CYSTM1: variants seen among roughly 807,000 people sequenced by gnomAD.
CYSTM1 encodes the protein cysteine rich transmembrane module containing 1, also known as cysteine-rich transmembrane module-containing protein 1.
In CYSTM1, 4 loss-of-function variants were observed where a neutral mutation model predicts 13.1. The ratio of observed to expected loss-of-function variants is 0.31; its 90% CI spans 0.15 to 0.70. CYSTM1 has a LOEUF of 0.70. Among genes scored for constraint, CYSTM1 ranks in the 30% least tolerant of loss-of-function variants. CYSTM1 has a pLI of 0.72. For missense variants in CYSTM1, 96 were observed against 121.6 expected (o/e 0.79, Z 0.99); for synonymous variants, 36 against 42.7 (o/e 0.84, Z 0.62).
chr5:140,216,798 T>C lies in CYSTM1; in HGVS notation c.187+22146T>C, dbSNP rs138844923. ...TGTGTAGCCAGGCTGGGATCCTGAT[T>C]GGAAAAGGTAGCATACTCCTAAGGT... On this transcript the variant is annotated intron_variant, in intron 2 of 2. Coordinates refer to ENST00000261811, the MANE Select transcript of CYSTM1 (RefSeq NM_032412.4). Among the ~76,000 whole-genome samples the C allele has an allele frequency of 8.7e-3, 1,331 of 152,174 alleles. 11 individuals carry two copies. Among genetic ancestry groups the C allele is most frequent in the South Asian group, 0.045 (219 of 4,822 alleles).
At chr5:140,226,589 TA>T (rs1764558610) in intron 2 of CYSTM1, among the ~76,000 whole-genome samples, 4 of 70,816 alleles carry the variant, frequency 5.6e-5, no homozygotes, top group Non-Finnish European at 3.0e-5. Flanking sequence ...CTAAATATTA[TA>T]TATATATATA....
At chr5:140,185,266 C>A (rs1764002488) in intron 1 of CYSTM1, among the ~76,000 whole-genome samples, 1 of 152,210 alleles carries the variant, frequency 6.6e-6, no homozygotes, top group South Asian at 2.1e-4. Flanking sequence ...TGCCCTTGTT[C>A]AGCGAAAGGT....
At chr5:140,208,732 T>A (rs143534475) in intron 2 of CYSTM1, among the ~76,000 whole-genome samples, 391 of 152,134 alleles carry the variant, frequency 2.6e-3, no homozygotes, top group African/African-American at 8.9e-3. Flanking sequence ...AATAAAAAAA[T>A]ATTTTTAAAG....
intron 1 of CYSTM1, among the ~76,000 whole-genome samples, chr5:140,177,602 C>T (rs900454146): frequency 2.0e-5 from 3 of 152,126 alleles, no homozygotes; most frequent in African/African-American, 7.2e-5. Flanking sequence ...GAGTGCAAAT[C>T]CAGGGTGAGA....
chr5:140,236,144 C>G (rs1764677538), intron 2 of CYSTM1, among the ~76,000 whole-genome samples: 1 of 152,210 alleles, frequency 6.6e-6, no homozygotes, highest in Non-Finnish European at 1.5e-5. Flanking sequence ...ATGAGAAGCT[C>G]TTGGTTTTCT....
chr5:140,199,436 G>T (rs1467961844), intron 2 of CYSTM1, among the ~76,000 whole-genome samples: 1 of 152,164 alleles, frequency 6.6e-6, no homozygotes, highest in East Asian at 1.9e-4. Flanking sequence ...GTGTAAAAGT[G>T]TTCCTATTTC....
chr5:140,233,199 T>G (rs1358457287), intron 2 of CYSTM1, among the ~76,000 whole-genome samples: 1 of 152,198 alleles, frequency 6.6e-6, no homozygotes, highest in African/African-American at 2.4e-5. Flanking sequence ...GCCCCTGGTC[T>G]TTGGGATTTT....
At position 140,191,978 on chromosome 5, in the gene CYSTM1, G is replaced by GT. The variant is rs554275324; in HGVS notation, c.-20-2467dup. Among the ~76,000 whole-genome samples the GT allele has an allele frequency of 1.6e-3, 237 of 152,266 alleles. 1 individual carries two copies. Among genetic ancestry groups the GT allele is most frequent in the Non-Finnish European group, 2.7e-3 (185 of 68,010 alleles). On this transcript the variant is annotated intron_variant, in intron 1 of 2. Coordinates refer to ENST00000261811, the MANE Select transcript of CYSTM1 (RefSeq NM_032412.4). The stretch of plus-strand genomic sequence containing the variant: ...TGAGCCTTTGCATTAGGGTTCCTAG[G>GT]TCAGGGTGTGTTGCCAGTTGCAGAC...
In CYSTM1 at chr5:140,212,983, G is replaced by GTATATATATATATA. The variant is rs150669111; in HGVS notation, c.187+18345_187+18358dup. Among the ~76,000 whole-genome samples the GTATATATATATATA allele has an allele frequency of 2.0e-4, 23 of 114,294 alleles. 2 individuals are homozygous for GTATATATATATATA. The highest frequency in any genetic ancestry group is 4.7e-3 in the Middle Eastern group (1 of 214). 75.0% of individuals were successfully genotyped at this position (114,294 alleles called of 152,430 possible). ...ACTCTGTCTCAAAAACAAAACAAAA[G>GTATATATATATATA]TATATATATATATATATATATATAT... On this transcript the variant is annotated intron_variant, in intron 2 of 2. Transcript: ENST00000261811.
intron 2 of CYSTM1, chr5:140,202,582 A>T (rs370374665): frequency 1.3e-5 from 2 of 152,374 alleles, no homozygotes; most frequent in African/African-American, 4.8e-5. Flanking sequence ...GTAGATAATG[A>T]TAAGCAATTT....
chr5:140,202,612 C>G (rs1764246317), intron 2 of CYSTM1: 1 of 152,218 alleles, frequency 6.6e-6, no homozygotes, highest in African/African-American at 2.4e-5. Context: ...GATTTGTACA[C>G]TTTCTACCGT....
At chr5:140,179,443 C>T (rs1206286561) in intron 1 of CYSTM1, among the ~76,000 whole-genome samples, 1 of 151,614 alleles carries the variant, frequency 6.6e-6, no homozygotes, top group Non-Finnish European at 1.5e-5. Context: ...CCTGTAATCC[C>T]AGCTAAGTCG....
intron 2 of CYSTM1, among the ~76,000 whole-genome samples, chr5:140,208,999 A>G (rs1764331399): frequency 6.6e-6 from 1 of 150,912 alleles, no homozygotes; most frequent in Non-Finnish European, 1.5e-5. Context: ...AGATCACGCC[A>G]CTGCACTCCA....
At chr5:140,231,152 C>T (rs1220843363) in intron 2 of CYSTM1, among the ~76,000 whole-genome samples, 2 of 152,070 alleles carry the variant, frequency 1.3e-5, no homozygotes, top group Non-Finnish European at 2.9e-5. Context: ...TTAAAATTTT[C>T]TTCACATAGT....
intron 1 of CYSTM1, among the ~76,000 whole-genome samples, chr5:140,194,116 G>A (rs1764124200): frequency 6.6e-6 from 1 of 152,182 alleles, no homozygotes; most frequent in Admixed American, 6.5e-5. Flanking sequence ...AAAATATCTT[G>A]CTATTCATTT....
At position 140,184,045 on chromosome 5, in the gene CYSTM1, G is replaced by A. The variant is rs541289797; in HGVS notation, c.-21+8760G>A. Reference sequence around the variant, plus strand: ...ACTTTACCTAAAGATGATTAGCAAGGGTTTTAACTTTCATTGTTAAATATA... The same window carrying A: ...ACTTTACCTAAAGATGATTAGCAAGAGTTTTAACTTTCATTGTTAAATATA... On this transcript the variant is annotated intron_variant, in intron 1 of 2. Coordinates refer to ENST00000261811, the MANE Select transcript of CYSTM1 (RefSeq NM_032412.4). Among the ~76,000 whole-genome samples, 5 of 152,130 alleles carry A rather than the reference G, an allele frequency of 3.3e-5. No individual in the cohort carries two copies. The South Asian group carries it at 8.3e-4, about 25-fold the overall frequency.
chr5:140,200,557 C>CTTGTTTTTTTTTT, intron 2 of CYSTM1: 1 of 78,730 alleles, frequency 1.3e-5, no homozygotes, highest in Admixed American at 1.7e-4. Flanking sequence ...TCCCCCCGGC[C>CTTGTTTTTTTTTT]TTTTTTTTTT....
intron 2 of CYSTM1, among the ~76,000 whole-genome samples, chr5:140,236,509 T>C (rs1263783677): frequency 6.6e-6 from 1 of 152,256 alleles, no homozygotes; most frequent in African/African-American, 2.4e-5. Flanking sequence ...ATGTACTATA[T>C]GATCTCACTA....
At chr5:140,211,633 C>T (rs943143428) in intron 2 of CYSTM1, among the ~76,000 whole-genome samples, 1 of 152,188 alleles carries the variant, frequency 6.6e-6, no homozygotes, top group Non-Finnish European at 1.5e-5. Flanking sequence ...CCTGGAACCT[C>T]GTACAGCAAA....
Sources: allele counts gnomAD v4.1 joint callset (sites outside exome capture counted in the v4.1 genomes callset), GRCh38; gene constraint gnomAD v4.1.1; transcripts MANE v1.5; gene names NCBI Gene and HGNC (gene_info 2026-07-23, HGNC 2026-07-21).